The following ARHGAP44 variants were observed in gnomAD, a reference collection of about 807,000 sequenced individuals.
ARHGAP44 encodes Rho GTPase activating protein 44, also known as rho GTPase-activating protein 44.
In ARHGAP44, 43 loss-of-function variants were observed where a neutral mutation model predicts 106.8. The observed-to-expected ratio is 0.40, with a 90% CI of 0.32 to 0.52. The LOEUF (loss-of-function observed/expected upper bound fraction) is 0.52. Among genes scored for constraint, ARHGAP44 ranks in the 20% least tolerant of loss-of-function variants. ARHGAP44 has a pLI of 0.48. For synonymous variants in ARHGAP44, 439 were observed against 410.3 expected, an observed-to-expected ratio of 1.07 and a Z score of -0.85; for missense variants, 866 against 1,050.5, an observed-to-expected ratio of 0.82 and a Z score of 2.43.
intron 1 of ARHGAP44, among the ~76,000 whole-genome samples, chr17:12,811,824 C>T (rs566741232): frequency 5.9e-5 from 9 of 152,314 alleles, no homozygotes; most frequent in African/African-American, 1.7e-4. Context: ...CTGCCCCTGT[C>T]ATCATGCGTG....
At chr17:12,815,345 C>G (rs766088617) in intron 1 of ARHGAP44, among the ~76,000 whole-genome samples, 1 of 152,074 alleles carries the variant, frequency 6.6e-6, no homozygotes, top group Non-Finnish European at 1.5e-5. Flanking sequence ...TAAGCAGTTT[C>G]CCCACATAGC....
At chr17:12,957,824 G>C (rs914266133) in intron 15 of ARHGAP44, among the ~76,000 whole-genome samples, 1 of 152,148 alleles carries the variant, frequency 6.6e-6, no homozygotes, top group Non-Finnish European at 1.5e-5. Flanking sequence ...TTTTTGCTGT[G>C]CTGCAACAGC....
chr17:12,934,229 C>G (rs1194201075), intron 7 of ARHGAP44, among the ~76,000 whole-genome samples: 1 of 152,100 alleles, frequency 6.6e-6, no homozygotes, highest in Non-Finnish European at 1.5e-5. Context: ...TAGTTTGTAT[C>G]TCTTCTTTTC....
chr17:12,846,061 A>G (rs2035560898), intron 1 of ARHGAP44, among the ~76,000 whole-genome samples: 3 of 149,668 alleles, frequency 2.0e-5, no homozygotes, highest in South Asian at 4.2e-4. Context: ...TTTCACCGTT[A>G]TGAGGAAGGT....
intron 1 of ARHGAP44, among the ~76,000 whole-genome samples, chr17:12,806,361 A>G (rs915657281): frequency 1.3e-5 from 2 of 152,174 alleles, no homozygotes; most frequent in Admixed American, 6.5e-5. Flanking sequence ...TTAAGAAAGT[A>G]AAATAAATTC....
intron 1 of ARHGAP44, among the ~76,000 whole-genome samples, chr17:12,804,737 T>G (rs2034221912): frequency 6.6e-6 from 1 of 152,240 alleles, no homozygotes; most frequent in African/African-American, 2.4e-5. Context: ...TCTTTCAGAT[T>G]CAAGAGTGCT....
intron 16 of ARHGAP44, among the ~76,000 whole-genome samples, chr17:12,961,664 G>A (rs55984641): frequency 0.11 from 17,064 of 152,210 alleles, 1,101 homozygotes; most frequent in South Asian, 0.2. Flanking sequence ...AACCTGGGAG[G>A]TGGAGGTTGT....
In ARHGAP44 at chr17:12,868,589, TTTTATATATATATATATATATA is replaced by T. The variant is rs1276281885; in HGVS notation, c.54-26349_54-26328del. On this transcript the variant is annotated intron_variant, in intron 1 of 20. Transcript: ENST00000379672. ...TCATTTAAAAAGTCATATATATGCA[TTTTATATATATATATATATATA>T]TATATATATATATATATATATGAAA... 8.6e-5 allele frequency among the ~76,000 whole-genome samples: 9 copies of T among 104,932 alleles called. 1 individual carries two copies. The highest frequency in any genetic ancestry group is 2.2e-4 in the African/African-American group (6 of 27,832). 68.8% of individuals were successfully genotyped at this position (104,932 alleles called of 152,430 possible). A position where few individuals can be genotyped will look rare whatever the true frequency, so the allele number is the denominator to read the frequency against.
Position 12,974,263 on chromosome 17 carries a change from G to A in ARHGAP44, c.1716G>A (p.Ala572=). ...EQPLDSPAAP[A]LSPSGLGLQP... ...CCCTGGACAGCCCCGCGGCCCCCGC[G>A]CTCTCTCCATCCGGCCTGGGCCTCC... Residue 572 remains alanine, a synonymous_variant, in exon 18 of 21, where the codon GCG becomes GCA. Transcript: ENST00000379672. 1 of 1,509,322 alleles carries A rather than the reference G, an allele frequency of 6.6e-7. No individual in the cohort carries two copies. The highest frequency in any genetic ancestry group is 2.4e-4 in the Middle Eastern group (1 of 4,232). 93.5% of individuals were successfully genotyped at this position (1,509,322 alleles called of 1,614,324 possible). A position where few individuals can be genotyped will look rare whatever the true frequency, so the allele number is the denominator to read the frequency against.
intron 1 of ARHGAP44, among the ~76,000 whole-genome samples, chr17:12,814,499 C>G (rs1950668775): frequency 6.6e-6 from 1 of 151,700 alleles, no homozygotes; most frequent in Non-Finnish European, 1.5e-5. Context: ...CCTCGGCCTC[C>G]CGAAGTGCTG....
chr17:12,956,448 C>T (rs2039128969), intron 14 of ARHGAP44, among the ~76,000 whole-genome samples: 1 of 152,154 alleles, frequency 6.6e-6, no homozygotes, highest in Non-Finnish European at 1.5e-5. Context: ...GTTCATGTGC[C>T]TCGGGTTTAT....
chr17:12,791,806 A>C (rs1438960207), intron 1 of ARHGAP44, among the ~76,000 whole-genome samples: 2 of 152,040 alleles, frequency 1.3e-5, no homozygotes, highest in Non-Finnish European at 2.9e-5. Context: ...GCTCTGGTGG[A>C]TGTTGGCCTA....
At position 12,940,947 on chromosome 17, in the gene ARHGAP44, G is replaced by A. The variant is rs541466335; in HGVS notation, c.583-109G>A. 1.7e-5 allele frequency: 14 copies of A among 825,756 alleles called. No individual in the cohort carries two copies. In the African/African-American group the frequency reaches 2.1e-4, roughly 12 times the overall value. The allele number at this position is 825,756 out of a possible 1,614,324, so 51.2% of individuals were successfully genotyped here. A position where few individuals can be genotyped will look rare whatever the true frequency, so the allele number is the denominator to read the frequency against. On this transcript the variant is annotated intron_variant, in intron 7 of 20. Coordinates refer to ENST00000379672, the MANE Select transcript of ARHGAP44 (RefSeq NM_014859.6). ...TTGTATCATATCAAGTATTAAAAAG[G>A]AGATTAAGCAGTGTTTAAGGCTCTT... is the stretch of plus-strand genomic sequence containing the variant.
intron 1 of ARHGAP44, among the ~76,000 whole-genome samples, chr17:12,867,131 T>G (rs952547787): frequency 1.3e-5 from 2 of 151,106 alleles, no homozygotes; most frequent in Non-Finnish European, 2.9e-5. Flanking sequence ...ATCTAGTATG[T>G]TCACCTGTCA....
chr17:12,838,043 C>T (rs571039711), intron 1 of ARHGAP44, among the ~76,000 whole-genome samples: 19 of 152,266 alleles, frequency 1.2e-4, no homozygotes, highest in Admixed American at 3.9e-4. Context: ...TCCCATCTCT[C>T]TTTGATAATA....
At chr17:12,848,849 C>G (rs1054917525) in intron 1 of ARHGAP44, among the ~76,000 whole-genome samples, 1 of 152,032 alleles carries the variant, frequency 6.6e-6, no homozygotes, top group African/African-American at 2.4e-5. Context: ...GAGTTCGAGA[C>G]CAGCCTGACC....
intron 5 of ARHGAP44, 84 bp downstream of exon 5, chr17:12,916,095 T>C (rs1435345298): frequency 3.1e-5 from 35 of 1,119,516 alleles, no homozygotes; most frequent in Non-Finnish European, 4.5e-5. Flanking sequence ...TCCAGCATTC[T>C]ACTTCTTTCC....
At chr17:12,933,680 C>T (rs1162639234) in intron 7 of ARHGAP44, among the ~76,000 whole-genome samples, 1 of 152,108 alleles carries the variant, frequency 6.6e-6, no homozygotes, top group Non-Finnish European at 1.5e-5. Context: ...AATGATGTAA[C>T]AATAGAGAAG....
chr17:12,991,311 T>G lies in ARHGAP44; in HGVS notation c.*1140T>G, dbSNP rs1041632209. ...TATCCTTTTCAAATAGATGATATAA[T>G]ATACCTATACATGATATAATATTTG... On this transcript the variant is annotated 3_prime_UTR_variant, in exon 21 of 21. Coordinates refer to ENST00000379672, the MANE Select transcript of ARHGAP44 (RefSeq NM_014859.6). 1 of 152,784 alleles carries G rather than the reference T, an allele frequency of 6.5e-6. No homozygotes were observed. Among genetic ancestry groups the G allele is most frequent in the African/African-American group, 2.4e-5 (1 of 41,456 alleles). 9.5% of individuals were successfully genotyped at this position (152,784 alleles called of 1,614,324 possible). A position where few individuals can be genotyped will look rare whatever the true frequency, so the allele number is the denominator to read the frequency against.
Sources: gnomAD v4.1 joint callset for allele counts (sites outside exome capture counted in the v4.1 genomes callset) on GRCh38, gnomAD v4.1.1 for gene constraint, MANE v1.5 for transcripts, NCBI Gene and HGNC (gene_info 2026-07-23, HGNC 2026-07-21) for gene names.